PRELID2: variants seen among roughly 807,000 people sequenced by gnomAD.
The protein encoded by PRELID2 is PRELI domain containing 2.
PRELID2 carries 25 observed loss-of-function variants against 28.4 expected under a neutral mutation model. The observed-to-expected ratio is 0.88, with a 90% confidence interval of 0.64 to 1.23. The LOEUF is 1.23. Ranked by LOEUF, PRELID2 falls within the 50% of genes most tolerant of loss-of-function variation. The probability of loss-of-function intolerance (pLI) is 0.00; values close to 1 mark genes in which losing one functional copy is unlikely to be tolerated. For synonymous variants in PRELID2, 76 were observed against 71.6 expected, an observed-to-expected ratio of 1.06 and a Z score of -0.31; for missense variants, 201 against 214.4, an observed-to-expected ratio of 0.94 and a Z score of 0.39.
chr5:145,369,837 T>C, the PRELID2 span, among the ~76,000 whole-genome samples: 6 of 152,124 alleles, frequency 3.9e-5, no homozygotes, highest in African/African-American at 1.4e-4. Context: ...GACAGTATCT[T>C]ATTGTGGTTT....
At chr5:145,392,200 T>G in the PRELID2 span, among the ~76,000 whole-genome samples, 204 of 152,260 alleles carry the variant, frequency 1.3e-3, 1 homozygote, top group Non-Finnish European at 2.3e-3. Context: ...GGGTAATTTA[T>G]AAAGAAAAAA....
intron 4 of PRELID2, among the ~76,000 whole-genome samples, chr5:145,797,635 G>A (rs1365895604): frequency 6.6e-6 from 1 of 152,110 alleles, no homozygotes; most frequent in African/African-American, 2.4e-5. Flanking sequence ...AGTCCTCTGT[G>A]ACTGGGAAAT....
chr5:145,599,183 A>G (rs1753353008), intron 1 of PRELID2, among the ~76,000 whole-genome samples: 1 of 152,230 alleles, frequency 6.6e-6, no homozygotes, highest in Non-Finnish European at 1.5e-5. Flanking sequence ...TTATTGACAG[A>G]AAGTCATATT....
At chr5:145,591,870 C>G (rs186002262) in intron 1 of PRELID2, among the ~76,000 whole-genome samples, 3 of 152,286 alleles carry the variant, frequency 2.0e-5, no homozygotes, top group Non-Finnish European at 4.4e-5. Flanking sequence ...ACTTCCTCAG[C>G]TTGATGTTAA....
chr5:145,632,307 G>A lies in PRELID2; in HGVS notation n.70+132624C>T, dbSNP rs17103543. On this transcript the variant is annotated intron_variant and non_coding_transcript_variant, in intron 1 of 2. Transcript: ENST00000510259. ...AACAATATTTATCAAAACAATCACCGAACTTTAACATTGCTCATACCCTTT... is the reference window on the plus strand; with the variant it reads ...AACAATATTTATCAAAACAATCACCAAACTTTAACATTGCTCATACCCTTT... Among the ~76,000 whole-genome samples, 4,559 of 152,112 alleles carry A rather than the reference G, an allele frequency of 0.03. 422 individuals carry two copies. The East Asian group carries it at 0.37, about 12-fold the overall frequency.
chr5:145,424,582 A>T, the PRELID2 span, among the ~76,000 whole-genome samples: 33 of 152,052 alleles, frequency 2.2e-4, no homozygotes, highest in African/African-American at 7.7e-4. Context: ...GCAATGCCTC[A>T]CCCTGCTTCG....
At chr5:145,515,523 C>T (rs540943483) in intron 1 of PRELID2, among the ~76,000 whole-genome samples, 2 of 152,138 alleles carry the variant, frequency 1.3e-5, no homozygotes, top group African/African-American at 2.4e-5. Flanking sequence ...ACAAAAAAGC[C>T]CAGGACCAGA....
the PRELID2 span, among the ~76,000 whole-genome samples, chr5:145,460,490 T>C: frequency 6.6e-6 from 1 of 152,168 alleles, no homozygotes; most frequent in South Asian, 2.1e-4. Flanking sequence ...CTGACTTTCT[T>C]TTCCTAACAT....
the PRELID2 span, among the ~76,000 whole-genome samples, chr5:145,312,430 ACAGT>A: frequency 2.7e-4 from 41 of 152,326 alleles, no homozygotes; most frequent in African/African-American, 8.2e-4. Flanking sequence ...ACCATGCTGT[ACAGT>A]CAATCTCCAG....
At chr5:145,550,513 G>A (rs181692477) in intron 1 of PRELID2, among the ~76,000 whole-genome samples, 94 of 152,252 alleles carry the variant, frequency 6.2e-4, no homozygotes, top group African/African-American at 2.2e-3. Context: ...AGATAAGGCT[G>A]CAGTGAGCTA....
At chr5:145,817,218 A>AGT (rs1554099375) in intron 4 of PRELID2, among the ~76,000 whole-genome samples, 2 of 62,152 alleles carry the variant, frequency 3.2e-5, no homozygotes, top group Non-Finnish European at 7.9e-5. Context: ...TAAATAAAAA[A>AGT]AAATATATAT....
intron 2 of PRELID2, among the ~76,000 whole-genome samples, chr5:145,821,331 GTGTA>G (rs1466783335): frequency 4.0e-5 from 6 of 151,092 alleles, no homozygotes; most frequent in African/African-American, 1.5e-4. Flanking sequence ...GCCCTCTTCT[GTGTA>G]TGTGTGTGTA....
At chr5:145,392,645 C>T in the PRELID2 span, among the ~76,000 whole-genome samples, 2 of 149,568 alleles carry the variant, frequency 1.3e-5, no homozygotes, top group South Asian at 2.1e-4. Context: ...ATAGGACATA[C>T]CAAAAATAGA....
chr5:145,561,993 TA>T (rs71808383), intron 1 of PRELID2, among the ~76,000 whole-genome samples: 36,482 of 152,112 alleles, frequency 0.24, 7,513 homozygotes, highest in African/African-American at 0.57. Context: ...GTTCTGGAAT[TA>T]AGATAGTGGT....
chr5:145,661,125 A>G lies in PRELID2; in HGVS notation n.70+103806T>C, dbSNP rs141952990. 1.4e-3 allele frequency among the ~76,000 whole-genome samples: 206 copies of G among 152,330 alleles called. 2 individuals are homozygous for G. The highest frequency in any genetic ancestry group is 4.9e-3 in the African/African-American group (202 of 41,576). ...GCTTAGGTTACAAAACTGTTCTTGA[A>G]TGCCTTCCTTATGTCAGGCATCAAG... On this transcript the variant is annotated intron_variant and non_coding_transcript_variant, in intron 1 of 2. Transcript: ENST00000510259.
chr5:145,451,930 C>G, the PRELID2 span, among the ~76,000 whole-genome samples: 7 of 152,242 alleles, frequency 4.6e-5, no homozygotes, highest in South Asian at 2.1e-4. Context: ...CTCAAAACAG[C>G]TCTCACTGAA....
Position 145,549,997 on chromosome 5 carries a change from G to A in PRELID2, n.71-76682C>T, listed in dbSNP as rs138947753. 4.6e-4 allele frequency among the ~76,000 whole-genome samples: 70 copies of A among 152,244 alleles called. No homozygotes were observed. The East Asian group carries it at 9.7e-3, about 21-fold the overall frequency. On this transcript the variant is annotated intron_variant and non_coding_transcript_variant, in intron 1 of 2. Coordinates refer to the PRELID2 transcript ENST00000510259. ...CCTGCCACAAGGGAGGCATTGAGGA[G>A]GGTGGGAAGGCAGGGACTGGGACCT...
intron 1 of PRELID2, among the ~76,000 whole-genome samples, chr5:145,731,763 C>T (rs531213959): frequency 2.6e-5 from 4 of 152,322 alleles, no homozygotes; most frequent in East Asian, 3.9e-4. Context: ...CCATAAAGGT[C>T]TACCTTTCCC....
chr5:145,304,493 T>A, the PRELID2 span, among the ~76,000 whole-genome samples: 1 of 152,346 alleles, frequency 6.6e-6, no homozygotes, highest in Admixed American at 6.5e-5. Flanking sequence ...TTTCTGTTTA[T>A]CTTTATGACA....
Sources: gnomAD v4.1 joint callset for allele counts (sites outside exome capture counted in the v4.1 genomes callset) on GRCh38, gnomAD v4.1.1 for gene constraint, MANE v1.5 for transcripts, NCBI Gene and HGNC (gene_info 2026-07-23, HGNC 2026-07-21) for gene names.